The following TAFA4 variants were observed in gnomAD, a reference collection of about 807,000 sequenced individuals.
TAFA4 encodes chemokine-like protein TAFA-4.
Under a neutral mutation model 21.1 loss-of-function variants are expected in TAFA4, and 20 were observed. That is an observed-to-expected ratio of 0.95 (90% CI 0.67 to 1.38). The LOEUF (loss-of-function observed/expected upper bound fraction) is 1.38. Ranked by LOEUF, TAFA4 falls within the 40% of genes most tolerant of loss-of-function variation. The probability of loss-of-function intolerance (pLI) is 0.00; values close to 1 mark genes in which losing one functional copy is unlikely to be tolerated. For synonymous variants in TAFA4, 71 were observed against 67.4 expected, an observed-to-expected ratio of 1.05 and a Z score of -0.26; for missense variants, 211 against 180.9, an observed-to-expected ratio of 1.17 and a Z score of -0.95.
chr3:68,767,583 T>C (rs1702879387), intron 3 of TAFA4, among the ~76,000 whole-genome samples: 2 of 151,998 alleles, frequency 1.3e-5, no homozygotes, highest in Non-Finnish European at 2.9e-5. Context: ...GGTGTTAATA[T>C]ATAATATATA....
chr3:68,821,086 C>A (rs1437584745), intron 3 of TAFA4, among the ~76,000 whole-genome samples: 8 of 152,084 alleles, frequency 5.3e-5, no homozygotes, highest in African/African-American at 1.9e-4. Context: ...TTTTAACAGC[C>A]AATACTCCCA....
chr3:68,857,940 T>C (rs750575968), intron 3 of TAFA4, among the ~76,000 whole-genome samples: 12 of 152,140 alleles, frequency 7.9e-5, no homozygotes, highest in Non-Finnish European at 1.3e-4. Flanking sequence ...AGCAGGCCAA[T>C]TGACCTCCAT....
intron 3 of TAFA4, among the ~76,000 whole-genome samples, chr3:68,835,736 G>C (rs1355877691): frequency 1.3e-5 from 2 of 152,228 alleles, no homozygotes; most frequent in South Asian, 4.1e-4. Flanking sequence ...AGAATGCTTA[G>C]AAATGATGAA....
At chr3:68,868,140 G>A (rs1164525467) in intron 3 of TAFA4, among the ~76,000 whole-genome samples, 1 of 152,016 alleles carries the variant, frequency 6.6e-6, no homozygotes, top group Non-Finnish European at 1.5e-5. Flanking sequence ...TAGACTGAAA[G>A]TGAAAGGAAG....
rs1371600122 is a variant in TAFA4 at position 68,752,850 on chromosome 3, A to G, written c.286+13T>C. Reference sequence around the variant, plus strand: ...TTTTGAAATACCAGAGATGCTGACCAGAGAGGTCTTACCTTCAACACAAGA... The same window carrying G: ...TTTTGAAATACCAGAGATGCTGACCGGAGAGGTCTTACCTTCAACACAAGA... On this transcript the variant is annotated intron_variant, in intron 4 of 5. Transcript: ENST00000295569. 2 of 1,614,012 alleles carry G rather than the reference A, an allele frequency of 1.2e-6. No homozygotes were observed. The highest frequency in any genetic ancestry group is 2.7e-5 in the African/African-American group (2 of 74,906).
chr3:68,739,422 G>A (rs762428809), intron 4 of TAFA4, among the ~76,000 whole-genome samples: 1 of 152,162 alleles, frequency 6.6e-6, no homozygotes, highest in Non-Finnish European at 1.5e-5. Flanking sequence ...AGAGAAAAGG[G>A]AATGCTTATA....
intron 3 of TAFA4, among the ~76,000 whole-genome samples, chr3:68,828,428 C>A (rs149861209): frequency 0.02 from 3,060 of 152,094 alleles, 102 homozygotes; most frequent in African/African-American, 0.065. Flanking sequence ...TCAGTGGTAG[C>A]TTGATGGGAA....
intron 3 of TAFA4, among the ~76,000 whole-genome samples, chr3:68,782,109 G>A (rs1207520168): frequency 6.6e-6 from 1 of 152,102 alleles, no homozygotes; most frequent in Non-Finnish European, 1.5e-5. Context: ...TATCTGACAA[G>A]GGTCTAGTAT....
At chr3:68,795,690 C>T (rs559886644) in intron 3 of TAFA4, among the ~76,000 whole-genome samples, 1 of 152,168 alleles carries the variant, frequency 6.6e-6, no homozygotes, top group Non-Finnish European at 1.5e-5. Flanking sequence ...TAAAGAAAAA[C>T]TGAATCCTCG....
chr3:68,845,115 A>G (rs1287674113), intron 3 of TAFA4, among the ~76,000 whole-genome samples: 1 of 152,168 alleles, frequency 6.6e-6, no homozygotes, highest in East Asian at 1.9e-4. Context: ...GTGGGGTGTT[A>G]AAGTCTCCCG....
intron 1 of TAFA4, among the ~76,000 whole-genome samples, chr3:68,931,999 C>T (rs1242149285): frequency 7.2e-5 from 11 of 152,186 alleles, no homozygotes; most frequent in Admixed American, 6.5e-4. Flanking sequence ...CGCTGCCTCT[C>T]TCCAGCCACA....
At position 68,928,348 on chromosome 3, in the gene TAFA4, T is replaced by C. The variant is rs182727194; in HGVS notation, c.-123+3892A>G. Among the ~76,000 whole-genome samples the C allele has an allele frequency of 3.9e-5, 6 of 152,322 alleles. No individual in the cohort carries two copies. The East Asian group carries it at 9.6e-4, about 24-fold the overall frequency. On this transcript the variant is annotated intron_variant, in intron 1 of 5. Coordinates refer to ENST00000295569, the MANE Select transcript of TAFA4 (RefSeq NM_182522.5). ...TTCACAATCATGCCAGAAAATAATG[T>C]TGTACCAAATTATTGGCTAGTACTG...
chr3:68,809,990 A>C (rs572836267), intron 3 of TAFA4, among the ~76,000 whole-genome samples: 1 of 152,198 alleles, frequency 6.6e-6, no homozygotes, highest in Admixed American at 6.5e-5. Context: ...AAATCGGGTA[A>C]CAGATTTTCT....
chr3:68,754,851 G>C (rs1434975275), intron 3 of TAFA4, among the ~76,000 whole-genome samples: 3 of 152,168 alleles, frequency 2.0e-5, no homozygotes, highest in African/African-American at 7.2e-5. Context: ...AATTGTCCCA[G>C]ATCTAGGCAG....
At chr3:68,791,441 A>C (rs1444643372) in intron 3 of TAFA4, among the ~76,000 whole-genome samples, 1 of 152,150 alleles carries the variant, frequency 6.6e-6, no homozygotes, top group Non-Finnish European at 1.5e-5. Context: ...CCTCTAAAGG[A>C]TTCTGAGGGA....
chr3:68,739,309 T>C, intron 4 of TAFA4, 110 bp from the exon 5 acceptor site: 1 of 1,317,042 alleles, frequency 7.6e-7, no homozygotes, highest in Non-Finnish European at 1.0e-6. Flanking sequence ...TGCTATTAAA[T>C]TTACGGTTGG....
chr3:68,843,620 G>A (rs6802039), intron 3 of TAFA4, among the ~76,000 whole-genome samples: 48,945 of 152,032 alleles, frequency 0.32, 8,176 homozygotes, highest in Non-Finnish European at 0.37. Flanking sequence ...ATGCTTCCAC[G>A]TTTTGCCATT....
intron 1 of TAFA4, among the ~76,000 whole-genome samples, chr3:68,912,245 C>A (rs1575670084): frequency 6.6e-6 from 1 of 152,130 alleles, no homozygotes; most frequent in South Asian, 2.1e-4. Flanking sequence ...ACCTGAAAAC[C>A]AAAATCCCCC....
chr3:68,881,772 C>T (rs942004770), intron 2 of TAFA4, among the ~76,000 whole-genome samples: 1 of 152,146 alleles, frequency 6.6e-6, no homozygotes, highest in African/African-American at 2.4e-5. Context: ...ACAATAAAAA[C>T]ATGGTACCTG....
Sources: allele counts gnomAD v4.1 joint callset (sites outside exome capture counted in the v4.1 genomes callset), GRCh38; gene constraint gnomAD v4.1.1; transcripts MANE v1.5; gene names NCBI Gene and HGNC (gene_info 2026-07-23, HGNC 2026-07-21).